The following ANKRD30BL variants were observed in gnomAD, a reference collection of about 807,000 sequenced individuals.
The protein encoded by ANKRD30BL is ankyrin repeat domain 30B like.
ANKRD30BL carries 20 observed loss-of-function variants against 18.4 expected under a neutral mutation model. The ratio of observed to expected loss-of-function variants is 1.09; its 90% CI spans 0.77 to 1.58. The LOEUF is 1.58. ANKRD30BL is among the 40% of genes most tolerant of loss of function. The probability of loss-of-function intolerance (pLI) is 0.00; values close to 1 mark genes in which losing one functional copy is unlikely to be tolerated. For synonymous variants in ANKRD30BL, 72 were observed against 100.9 expected (o/e 0.71, Z 1.72); for missense variants, 224 against 268.6 (o/e 0.83, Z 1.16).
upstream of ANKRD30BL, among the ~76,000 whole-genome samples, chr2:132,164,269 C>CTT (rs796313755): frequency 2.6e-4 from 29 of 112,198 alleles, no homozygotes; most frequent in South Asian, 1.9e-3. Flanking sequence ...TTTTCTTTTT[C>CTT]TTTTTTTTTT....
At chr2:132,187,165 G>GT (rs1553472036) in intron 1 of ANKRD30BL, among the ~76,000 whole-genome samples, 24 of 122,286 alleles carry the variant, frequency 2.0e-4, no homozygotes, top group Admixed American at 5.6e-4. Context: ...ATCGTAGGAA[G>GT]TTTTTTGTTT....
chr2:132,176,480 A>T (rs7580782), intron 1 of ANKRD30BL, among the ~76,000 whole-genome samples: 1 of 151,866 alleles, frequency 6.6e-6, no homozygotes, highest in Non-Finnish European at 1.5e-5. Context: ...GCATGGTGGC[A>T]CATGCCTGCA....
At chr2:132,255,715 T>A (rs572769090) in intron 1 of ANKRD30BL, among the ~76,000 whole-genome samples, 3 of 152,160 alleles carry the variant, frequency 2.0e-5, no homozygotes, top group African/African-American at 7.2e-5. Context: ...GTAATTTGAG[T>A]GTCTGCTGCC....
chr2:132,220,056 C>T (rs975476805), intron 1 of ANKRD30BL, among the ~76,000 whole-genome samples: 1 of 152,222 alleles, frequency 6.6e-6, no homozygotes, highest in African/African-American at 2.4e-5. Context: ...TTGCATTCAA[C>T]TCACAGAGTT....
chr2:132,205,489 T>C (rs930539833), intron 1 of ANKRD30BL, among the ~76,000 whole-genome samples: 5 of 151,760 alleles, frequency 3.3e-5, no homozygotes, highest in African/African-American at 9.7e-5. Flanking sequence ...TAATCGCAGC[T>C]ACTCGGGAGG....
chr2:132,209,478 G>A (rs1306428337), intron 1 of ANKRD30BL, among the ~76,000 whole-genome samples: 1 of 145,776 alleles, frequency 6.9e-6, no homozygotes, highest in East Asian at 2.1e-4. Flanking sequence ...TGGACATTCG[G>A]AGCGATTTGA....
At chr2:132,223,750 A>T (rs1437371114) in intron 1 of ANKRD30BL, among the ~76,000 whole-genome samples, 4 of 152,120 alleles carry the variant, frequency 2.6e-5, no homozygotes, top group African/African-American at 9.7e-5. Flanking sequence ...CTGCAAGTGG[A>T]CATTTGGAGG....
At chr2:132,166,804 A>T (rs1688195054), upstream of ANKRD30BL, among the ~76,000 whole-genome samples, 1 of 151,824 alleles carries the variant, frequency 6.6e-6, no homozygotes. Context: ...TATTTTACTG[A>T]TATCTGCTAA....
chr2:132,187,165 GTT>G (rs1553472036), intron 1 of ANKRD30BL, among the ~76,000 whole-genome samples: 1 of 122,282 alleles, frequency 8.2e-6, no homozygotes, highest in African/African-American at 3.3e-5. Flanking sequence ...ATCGTAGGAA[GTT>G]TTTTGTTTTT....
rs181274244 is a variant in ANKRD30BL at position 132,180,382 on chromosome 2, A to G, written n.442-23236T>C. Reference sequence around the variant, plus strand: ...CTCTACCATATACTCTAAGAGTAGTAGGCTATCCCGTCTATGTTTGTGTAA... The same window carrying G: ...CTCTACCATATACTCTAAGAGTAGTGGGCTATCCCGTCTATGTTTGTGTAA... On this transcript the variant is annotated intron_variant and non_coding_transcript_variant, in intron 1 of 4. Coordinates refer to the ANKRD30BL transcript ENST00000470729. Among the ~76,000 whole-genome samples, 41 of 152,346 alleles carry G rather than the reference A, an allele frequency of 2.7e-4. No individual in the cohort carries two copies. The East Asian group carries it at 7.5e-3, about 28-fold the overall frequency.
intron 1 of ANKRD30BL, among the ~76,000 whole-genome samples, chr2:132,204,921 A>G (rs1457436621): frequency 5.3e-5 from 8 of 149,784 alleles, no homozygotes; most frequent in Admixed American, 3.3e-4. Context: ...TGAAACCTAC[A>G]GGAAAATATT....
At chr2:132,183,415 C>T (rs965066065) in intron 1 of ANKRD30BL, among the ~76,000 whole-genome samples, 2 of 152,136 alleles carry the variant, frequency 1.3e-5, no homozygotes, top group Non-Finnish European at 2.9e-5. Context: ...AGGCATGAAT[C>T]ACTGCACCCG....
intron 1 of ANKRD30BL, among the ~76,000 whole-genome samples, chr2:132,177,401 C>T (rs1688383026): frequency 6.6e-6 from 1 of 152,166 alleles, no homozygotes; most frequent in African/African-American, 2.4e-5. Flanking sequence ...ATCTGCCCAC[C>T]TCGGCCTCCC....
At chr2:132,253,276 C>A (rs1367695908) in intron 1 of ANKRD30BL, 4 of 154,514 alleles carry the variant, frequency 2.6e-5, no homozygotes, top group Non-Finnish European at 5.8e-5. Context: ...TTCATTGACA[C>A]AGGAGCTGAG....
At chr2:132,245,769 G>A (rs376850410) in intron 1 of ANKRD30BL, among the ~76,000 whole-genome samples, 162 of 39,886 alleles carry the variant, frequency 4.1e-3, no homozygotes, top group African/African-American at 0.014. Context: ...TGAAGATTTC[G>A]TTGGAAAGGG....
intron 1 of ANKRD30BL, among the ~76,000 whole-genome samples, chr2:132,217,280 G>C (rs562748878): frequency 1.3e-5 from 2 of 150,592 alleles, no homozygotes; most frequent in Non-Finnish European, 3.0e-5. Context: ...AATCTCTAGA[G>C]AGAAGTTTTC....
At chr2:132,188,971 G>C (rs2104736380) in intron 1 of ANKRD30BL, among the ~76,000 whole-genome samples, 1 of 152,146 alleles carries the variant, frequency 6.6e-6, no homozygotes, top group East Asian at 1.9e-4. Context: ...AAATGAAAAC[G>C]AGCAACCTAG....
chr2:132,237,694 C>G (rs111887046), intron 1 of ANKRD30BL, among the ~76,000 whole-genome samples: 1 of 150,992 alleles, frequency 6.6e-6, no homozygotes, highest in African/African-American at 2.4e-5. Flanking sequence ...GTTGAACATT[C>G]CTTTTCATAG....
intron 1 of ANKRD30BL, among the ~76,000 whole-genome samples, chr2:132,254,501 G>A (rs569846016): frequency 2.0e-4 from 30 of 152,344 alleles, no homozygotes; most frequent in African/African-American, 7.2e-4. Flanking sequence ...CCAATCAGGA[G>A]TAGCGACTGC....
Sources: allele counts gnomAD v4.1 joint callset (sites outside exome capture counted in the v4.1 genomes callset), GRCh38; gene constraint gnomAD v4.1.1; transcripts MANE v1.5; gene names NCBI Gene and HGNC (gene_info 2026-07-23, HGNC 2026-07-21).